Variants in PSD2 observed in about 807,000 individuals in gnomAD.
PSD2 encodes the protein PH and SEC7 domain-containing protein 2.
PSD2 carries 38 observed loss-of-function variants against 69.8 expected under a neutral mutation model. The observed-to-expected ratio is 0.54, with a 90% CI of 0.42 to 0.71. The LOEUF is 0.71. Among genes scored for constraint, PSD2 ranks in the 30% least tolerant of loss-of-function variants. The probability of loss-of-function intolerance (pLI) is 0.00; values close to 1 mark genes in which losing one functional copy is unlikely to be tolerated. For synonymous variants in PSD2, 412 were observed against 423.0 expected, an observed-to-expected ratio of 0.97 and a Z score of 0.32; for missense variants, 943 against 1,014.5, an observed-to-expected ratio of 0.93 and a Z score of 0.96.
chr5:139,746,670 T>C, the PSD2 span, among the ~76,000 whole-genome samples: 8 of 152,178 alleles, frequency 5.3e-5, no homozygotes, highest in South Asian at 4.1e-4. The surrounding 1 kb of genome is among the most constrained non-coding windows in gnomAD (Gnocchi z 4.5). Context: ...ATCTGCCCGC[T>C]GGACTGATGC....
intron 3 of PSD2, 72 bp downstream of exon 3, chr5:139,813,830 G>A (rs1047139525): frequency 1.5e-5 from 20 of 1,347,994 alleles, no homozygotes; most frequent in Non-Finnish European, 1.6e-5. Flanking sequence ...GGCAAAGCAG[G>A]TTAGGGTGAC....
chr5:139,769,823 C>T, the PSD2 span, among the ~76,000 whole-genome samples: 285 of 152,346 alleles, frequency 1.9e-3, 1 homozygote, highest in African/African-American at 6.5e-3. Flanking sequence ...TTGGAAGTTT[C>T]CATCTGGCTT....
chr5:139,835,807 C>T, intron 9 of PSD2, 41 bp downstream of exon 9: 1 of 1,593,730 alleles, frequency 6.3e-7, no homozygotes, highest in Non-Finnish European at 8.6e-7. Context: ...GAGCATACAT[C>T]CCTGGGTGGG....
chr5:139,826,933 T>C (rs1262781766), intron 7 of PSD2, among the ~76,000 whole-genome samples: 2 of 152,200 alleles, frequency 1.3e-5, no homozygotes, highest in East Asian at 1.9e-4. Context: ...TCTTAGGAGC[T>C]GGAGTCAGGA....
At position 139,836,974 on chromosome 5, in the gene PSD2, ACT is replaced by A; in HGVS notation, c.1569_1570del (p.His524ArgfsTer2). On this transcript the variant is annotated frameshift_variant, in exon 10 of 15. Coordinates refer to ENST00000274710, the MANE Select transcript of PSD2 (RefSeq NM_032289.4). LOFTEE classifies it high-confidence loss of function. ...CAAGCACGGCGTCCTGACCCGGAAGACTCACGCTGACATGGATGGCAAGAGGA... is the reference window on the plus strand; with the variant it reads ...CAAGCACGGCGTCCTGACCCGGAAGACACGCTGACATGGATGGCAAGAGGA... ...TYKHGVLTRKTHADMDGKRTP... is the reference protein window; with the variant it reads ...TYKHGVLTRKXHADMDGKRTP... 1.2e-6 allele frequency: 2 copies of A among 1,613,346 alleles called. No individual in the cohort carries two copies. The highest frequency in any genetic ancestry group is 1.7e-6 in the Non-Finnish European group (2 of 1,179,636).
intron 7 of PSD2, among the ~76,000 whole-genome samples, chr5:139,824,848 AC>A (rs1342915543): frequency 6.6e-6 from 1 of 151,664 alleles, no homozygotes; most frequent in Non-Finnish European, 1.5e-5. Context: ...CTCCCACGTC[AC>A]TCATCAAGCA....
At chr5:139,817,181 G>A (rs1472196998) in intron 4 of PSD2, among the ~76,000 whole-genome samples, 2 of 152,202 alleles carry the variant, frequency 1.3e-5, no homozygotes, top group Non-Finnish European at 2.9e-5. Context: ...CCTGCTAGTA[G>A]CTTCTTGGAC....
At chr5:139,747,844 G>T in the PSD2 span, among the ~76,000 whole-genome samples, 1 of 152,256 alleles carries the variant, frequency 6.6e-6, no homozygotes, top group African/African-American at 2.4e-5. The surrounding 1 kb of genome is among the most constrained non-coding windows in gnomAD (Gnocchi z 6.7). Context: ...CAAGGAGGGG[G>T]TGTAGGGGGA....
At chr5:139,783,798 GACTC>G in the PSD2 span, among the ~76,000 whole-genome samples, 56 of 152,172 alleles carry the variant, frequency 3.7e-4, no homozygotes, top group Non-Finnish European at 7.4e-4. Context: ...GGCAGCTTCT[GACTC>G]ACTCAGTCTC....
the PSD2 span, among the ~76,000 whole-genome samples, chr5:139,778,463 A>C: frequency 4.6e-5 from 7 of 152,228 alleles, no homozygotes; most frequent in African/African-American, 1.7e-4. Flanking sequence ...GTGATGCATC[A>C]TTTTAATGAC....
intron 1 of PSD2, among the ~76,000 whole-genome samples, chr5:139,805,094 G>T (rs932355976): frequency 1.3e-5 from 2 of 152,212 alleles, no homozygotes; most frequent in Admixed American, 6.5e-5. Context: ...GTGTACATGT[G>T]TGCATGTGCC....
At chr5:139,796,639 C>T (rs150195915) in intron 1 of PSD2, among the ~76,000 whole-genome samples, 1,769 of 152,302 alleles carry the variant, frequency 0.012, 17 homozygotes, top group Non-Finnish European at 0.019. Context: ...AGAGGGAGTC[C>T]AGACTGGGGA....
chr5:139,842,172 C>A, intron 14 of PSD2, 99 bp from the exon 15 acceptor site: 1 of 889,350 alleles, frequency 1.1e-6, no homozygotes, highest in Non-Finnish European at 1.8e-6. Flanking sequence ...TTTGTGAAAG[C>A]TCTCTGCATA....
At chr5:139,808,738 G>A (rs759247121) in intron 1 of PSD2, among the ~76,000 whole-genome samples, 5 of 152,300 alleles carry the variant, frequency 3.3e-5, no homozygotes, top group Non-Finnish European at 7.4e-5. Context: ...AGAGGCTCCC[G>A]GGTGGCACCG....
In PSD2 at chr5:139,809,463, C is replaced by A; in HGVS notation, c.23C>A (p.Ser8Tyr). ...GCCATGGAGGAGGACAAGCTCTTAT[C>A]TGCAGTGCCTGAGGAAGGCGATGCC... is the stretch of plus-strand genomic sequence containing the variant. The part of the protein sequence containing the change: MEEDKLL[S>Y]AVPEEGDATR... Residue 8 changes from serine (S) to tyrosine (Y), a missense_variant, in exon 2 of 15, where the codon TCT (serine) becomes TAT (tyrosine). By Grantham distance (144) the Ser-to-Tyr change is moderately radical. Around this residue, in one of 3 missense-constraint regions of PSD2, gnomAD observed 466 missense variants for 445.0 expected, o/e 1.05. Coordinates refer to ENST00000274710, the MANE Select transcript of PSD2 (RefSeq NM_032289.4). The A allele has an allele frequency of 6.2e-7, 1 of 1,612,224 alleles. No homozygotes were observed. The highest frequency in any genetic ancestry group is 8.5e-7 in the Non-Finnish European group (1 of 1,179,484).
At chr5:139,751,548 A>G in the PSD2 span, among the ~76,000 whole-genome samples, 2 of 152,090 alleles carry the variant, frequency 1.3e-5, no homozygotes, top group Non-Finnish European at 2.9e-5. Context: ...AATTAGACAA[A>G]CCCAGGTTCA....
chr5:139,811,914 T>C (rs1036772139), intron 2 of PSD2, among the ~76,000 whole-genome samples: 5 of 152,228 alleles, frequency 3.3e-5, no homozygotes, highest in Admixed American at 1.3e-4. Flanking sequence ...TCTTTCTTTC[T>C]CTCACTTTCT....
chr5:139,771,684 T>C, the PSD2 span, among the ~76,000 whole-genome samples: 1 of 152,168 alleles, frequency 6.6e-6, no homozygotes, highest in Non-Finnish European at 1.5e-5. Context: ...CGCAGCCTGC[T>C]TTCCTTTCTA....
chr5:139,802,158 G>T (rs1158754815), intron 1 of PSD2, among the ~76,000 whole-genome samples: 1 of 149,130 alleles, frequency 6.7e-6, no homozygotes, highest in Non-Finnish European at 1.5e-5. Flanking sequence ...GAGATGAAGA[G>T]ACGCTACATA....
Sources: allele counts gnomAD v4.1 joint callset (sites outside exome capture counted in the v4.1 genomes callset), GRCh38; gene constraint gnomAD v4.1.1; regional missense constraint gnomAD v4.1.1; non-coding constraint Gnocchi (gnomAD v3.1); transcripts MANE v1.5; gene names NCBI Gene and HGNC (gene_info 2026-07-23, HGNC 2026-07-21).